ACSL5: variants seen among roughly 807,000 people sequenced by gnomAD.
ACSL5 encodes the protein acyl-CoA synthetase long chain family member 5.
A neutral mutation model predicts 84.9 loss-of-function variants in ACSL5; 50 were observed. That is an observed-to-expected ratio of 0.59 (90% CI 0.47 to 0.75). The LOEUF (loss-of-function observed/expected upper bound fraction) is 0.75. Ranked by LOEUF, ACSL5 falls within the 30% of genes least tolerant of loss-of-function variation. The pLI, the probability that ACSL5 is intolerant of heterozygous loss-of-function variation, is 0.00. For synonymous variants in ACSL5, 280 were observed against 300.7 expected (o/e 0.93, Z 0.71); for missense variants, 775 against 830.4 (o/e 0.93, Z 0.82).
chr10:112,383,604 G>A (rs1179256976), intron 1 of ACSL5, among the ~76,000 whole-genome samples: 2 of 152,256 alleles, frequency 1.3e-5, no homozygotes, highest in South Asian at 2.1e-4. Flanking sequence ...TTACTCAGTG[G>A]CTGAGAAGCA....
rs550641666 is a variant in ACSL5 at position 112,408,611 on chromosome 10, T to A, written c.532+90T>A. ...GCTTTTTTGTTTATTTGTTTGTTTG[T>A]TTAAGCAAACTTGAAATGCTGTGGT... On this transcript the variant is annotated intron_variant, in intron 6 of 20. Transcript: ENST00000354655. The A allele has an allele frequency of 9.3e-6, 9 of 963,840 alleles. No homozygotes were observed. In the South Asian group the frequency reaches 1.2e-4, roughly 13 times the overall value. 59.7% of individuals were successfully genotyped at this position (963,840 alleles called of 1,614,324 possible).
At position 112,409,474 on chromosome 10, in the gene ACSL5, G is replaced by C. The variant is rs370695552; in HGVS notation, c.533-33G>C. On this transcript the variant is annotated intron_variant, in intron 6 of 20. Coordinates refer to ENST00000354655, the MANE Select transcript of ACSL5 (RefSeq NM_203379.2). ...GGCAATCAGGTACTTAGCAGAGAGAGGGAATGACCTCTGGTTCTATTTTGG... is the reference window on the plus strand; with the variant it reads ...GGCAATCAGGTACTTAGCAGAGAGACGGAATGACCTCTGGTTCTATTTTGG... 1.2e-5 allele frequency: 19 copies of C among 1,605,788 alleles called. No homozygotes were observed. In the African/African-American group the frequency reaches 2.4e-4, roughly 20 times the overall value.
At chr10:112,405,076 G>A (rs1844000512) in intron 5 of ACSL5, among the ~76,000 whole-genome samples, 3 of 152,084 alleles carry the variant, frequency 2.0e-5, no homozygotes, top group Non-Finnish European at 4.4e-5. Context: ...TGTTACATGA[G>A]GAAAATAAGG....
intron 1 of ACSL5, among the ~76,000 whole-genome samples, chr10:112,383,883 C>T (rs760540850): frequency 2.0e-4 from 31 of 151,842 alleles, no homozygotes; most frequent in Non-Finnish European, 3.5e-4. Flanking sequence ...ACTGAGACTA[C>T]GCTACGCCTC....
chr10:112,397,683 C>T (rs920696859), intron 2 of ACSL5, among the ~76,000 whole-genome samples: 2 of 152,206 alleles, frequency 1.3e-5, no homozygotes, highest in African/African-American at 4.8e-5. Flanking sequence ...AATCTTTCTG[C>T]TTAATACAGA....
At chr10:112,401,786 CT>C (rs1843898489) in intron 3 of ACSL5, among the ~76,000 whole-genome samples, 15 of 119,496 alleles carry the variant, frequency 1.3e-4, no homozygotes, top group Non-Finnish European at 1.7e-4. Flanking sequence ...TTCTTTCTTT[CT>C]CTTTCTTTCT....
chr10:112,398,843 G>A, intron 2 of ACSL5, 58 bp from the exon 3 acceptor site: 1 of 1,439,636 alleles, frequency 6.9e-7, no homozygotes, highest in Non-Finnish European at 9.8e-7. Context: ...ATTCATAAAG[G>A]TTTTGGAAAG....
In ACSL5 at chr10:112,398,920, T is replaced by C; in HGVS notation, c.176T>C (p.Val59Ala). 1 of 1,613,370 alleles carries C rather than the reference T, an allele frequency of 6.2e-7. No homozygotes were observed. Among genetic ancestry groups the C allele is most frequent in the South Asian group, 1.1e-5 (1 of 91,042 alleles). ...VGIEGGARKG[V>A]SQKNNDLTSC... ...TCTTAGGGAGGAGCACGGAAGGGGGTTTCCCAGAAGAACAATGACCTAACA... is the reference window on the plus strand; with the variant it reads ...TCTTAGGGAGGAGCACGGAAGGGGGCTTCCCAGAAGAACAATGACCTAACA... Residue 59 changes from valine to alanine, a missense_variant, in exon 3 of 21, where the codon GTT becomes GCT. Transcript: ENST00000354655.
At chr10:112,407,521 C>T (rs1844070444) in intron 5 of ACSL5, among the ~76,000 whole-genome samples, 1 of 152,208 alleles carries the variant, frequency 6.6e-6, no homozygotes, top group East Asian at 1.9e-4. Context: ...TGCACCCGGC[C>T]TCAAGTTGAG....
intron 1 of ACSL5, among the ~76,000 whole-genome samples, chr10:112,381,403 C>T (rs1849345072): frequency 6.6e-6 from 1 of 152,138 alleles, no homozygotes; most frequent in Non-Finnish European, 1.5e-5. Context: ...TACAGTGGCT[C>T]ACACTTGTAA....
At chr10:112,412,301 T>C (rs961557942) in intron 11 of ACSL5, 2 of 253,436 alleles carry the variant, frequency 7.9e-6, no homozygotes, top group African/African-American at 4.5e-5. Flanking sequence ...ATTGTCTTCT[T>C]TTTAAATTTT....
chr10:112,389,828 C>T (rs1849521955), intron 1 of ACSL5, among the ~76,000 whole-genome samples: 1 of 152,208 alleles, frequency 6.6e-6, no homozygotes, highest in African/African-American at 2.4e-5. Context: ...CTCTCAGGCC[C>T]TTAGTTTCTT....
At chr10:112,392,807 C>T (rs1469192476) in intron 1 of ACSL5, among the ~76,000 whole-genome samples, 1 of 151,286 alleles carries the variant, frequency 6.6e-6, no homozygotes, top group Non-Finnish European at 1.5e-5. Flanking sequence ...CCCAGTTATT[C>T]AGGAGCCTGA....
At chr10:112,416,383 A>G (rs538451268) in intron 12 of ACSL5, among the ~76,000 whole-genome samples, 317 of 147,090 alleles carry the variant, frequency 2.2e-3, no homozygotes, top group Non-Finnish European at 3.3e-3. Context: ...AGGCAGGAGA[A>G]TGGCGTGAAC....
Position 112,409,566 on chromosome 10 carries a change from G to A in ACSL5, c.592G>A (p.Val198Ile), listed in dbSNP as rs1380602799. ...AAAGGCATTGGTGCTGATAGGGAAT[G>A]TAGAGAAAGGCTTCACCCCGAGCCT... The part of the protein sequence containing the change: ...PQKALVLIGN[V>I]EKGFTPSLKV... Residue 198 changes from valine (V) to isoleucine (I), a missense_variant, in exon 7 of 21, where the codon GTA becomes ATA. Coordinates refer to ENST00000354655, the MANE Select transcript of ACSL5 (RefSeq NM_203379.2). 8 of 1,614,106 alleles carry A rather than the reference G, an allele frequency of 5.0e-6. No homozygotes were observed. The highest frequency in any genetic ancestry group is 5.9e-6 in the Non-Finnish European group (7 of 1,180,022).
At chr10:112,390,371 A>G (rs1244089916) in intron 1 of ACSL5, among the ~76,000 whole-genome samples, 1 of 152,214 alleles carries the variant, frequency 6.6e-6, no homozygotes, top group Non-Finnish European at 1.5e-5. Context: ...TTAAACAGAC[A>G]AAGAGAAAGT....
chr10:112,425,423 A>G lies in ACSL5; in HGVS notation c.1679A>G (p.Asn560Ser). 5 of 1,613,840 alleles carry G rather than the reference A, an allele frequency of 3.1e-6. No homozygotes were observed. Among genetic ancestry groups the G allele is most frequent in the South Asian group, 1.1e-5 (1 of 91,024 alleles). The change falls in exon 18 of 21, where the codon AAT (asparagine) becomes AGT (serine). Residue 560 changes from asparagine (N) to serine (S), a missense_variant. Transcript: ENST00000354655. ...GEYIAPEKIE[N>S]IYNRSQPVLQ... is the part of the protein sequence containing the mutation. ...TACATTGCACCAGAGAAGATAGAAA[A>G]TATCTACAACAGGAGTCAACCAGTG...
intron 7 of ACSL5, 53 bp downstream of exon 7, chr10:112,409,738 C>G: frequency 6.4e-7 from 1 of 1,574,788 alleles, no homozygotes; most frequent in Non-Finnish European, 8.7e-7. Context: ...ACACCTTGGG[C>G]AACTTGCAAG....
intron 5 of ACSL5, chr10:112,406,623 T>C (rs4439448): frequency 0.95 from 143,973 of 152,306 alleles, 68,194 homozygotes; most frequent in East Asian, 0.99. Context: ...ACAATGATGT[T>C]ATGCTGTCTG....
Sources: allele counts gnomAD v4.1 joint callset (sites outside exome capture counted in the v4.1 genomes callset), GRCh38; gene constraint gnomAD v4.1.1; transcripts MANE v1.5; gene names NCBI Gene and HGNC (gene_info 2026-07-23, HGNC 2026-07-21).